C19orf44: variants seen among roughly 807,000 people sequenced by gnomAD.
The protein encoded by C19orf44 is chromosome 19 open reading frame 44, also known as uncharacterized protein C19orf44.
Under a neutral mutation model 50.7 loss-of-function variants are expected in C19orf44, and 43 were observed. The observed-to-expected ratio is 0.85, with a 90% CI of 0.66 to 1.09. The LOEUF is 1.09. Ranked by LOEUF, C19orf44 falls within the 50% of genes least tolerant of loss-of-function variation. The pLI, the probability that C19orf44 is intolerant of heterozygous loss-of-function variation, is 0.00. For synonymous variants in C19orf44, 298 were observed against 334.7 expected (o/e 0.89, Z 1.20); for missense variants, 722 against 836.2 (o/e 0.86, Z 1.68).
At chr19:16,515,250 A>C (rs1328992278) in intron 7 of C19orf44, among the ~76,000 whole-genome samples, 3 of 152,092 alleles carry the variant, frequency 2.0e-5, no homozygotes, top group Non-Finnish European at 2.9e-5. Context: ...AGTCCCAGCT[A>C]CTCAGGAGGC....
chr19:16,500,932 A>T lies in C19orf44; in HGVS notation c.140A>T (p.His47Leu), dbSNP rs779619968. ...SRNLTKIAPG[H>L]SRFLKRNQTL... ...AATCTTACCAAAATAGCACCTGGTC[A>T]TAGCAGATTTCTAAAAAGAAACCAA... Residue 47 changes from histidine (H) to leucine (L), a missense_variant, in exon 2 of 9, where the codon CAT (histidine) becomes CTT (leucine). Physicochemically the swap from His to Leu is moderately conservative, Grantham distance 99. Transcript: ENST00000221671. 1 of 1,613,912 alleles carries T rather than the reference A, an allele frequency of 6.2e-7. No individual in the cohort carries two copies. Among genetic ancestry groups the T allele is most frequent in the East Asian group, 2.2e-5 (1 of 44,884 alleles).
rs1387928040 is a variant in C19orf44, at chr19:16,521,131, C to T, written c.*1078C>T. ...TGGTGCCCACGCCCTTGCCACCCTG[C>T]TGTTCCGCTGAGGTGGTGGGGACCC... On this transcript the variant is annotated 3_prime_UTR_variant, in exon 9 of 9. Transcript: ENST00000221671. The T allele has an allele frequency of 1.0e-5, 6 of 601,226 alleles. No individual in the cohort carries two copies. The highest frequency in any genetic ancestry group is 5.6e-5 in the African/African-American group (3 of 53,978). The allele number at this position is 601,226 out of a possible 1,614,324, so 37.2% of individuals were successfully genotyped here. A position where few individuals can be genotyped will look rare whatever the true frequency, so the allele number is the denominator to read the frequency against.
chr19:16,517,161 T>C, intron 7 of C19orf44, 69 bp from the exon 8 acceptor site: 2 of 1,444,822 alleles, frequency 1.4e-6, no homozygotes, highest in South Asian at 2.4e-5. Context: ...CACTCCCTCC[T>C]CCAGCACCCT....
chr19:16,520,221 T>A lies in C19orf44; in HGVS notation c.*168T>A, dbSNP rs769641643. ...GTACGACTTGGACCGGGACCGCGAC[T>A]GGGACCGGGAGCGGCTTCTGGAGGA... On this transcript the variant is annotated 3_prime_UTR_variant, in exon 9 of 9. Transcript: ENST00000221671. This position sits in a 1 kb window ranked among gnomAD's most constrained non-coding sequence, Gnocchi z 4.0. 3.7e-6 allele frequency: 6 copies of A among 1,613,432 alleles called. No individual in the cohort carries two copies. The highest frequency in any genetic ancestry group is 2.5e-6 in the Non-Finnish European group (3 of 1,180,010).
chr19:16,511,363 A>G (rs749156979), intron 5 of C19orf44, among the ~76,000 whole-genome samples: 11 of 151,892 alleles, frequency 7.2e-5, no homozygotes, highest in Non-Finnish European at 1.5e-4. Flanking sequence ...TGTTCTTTGT[A>G]GAGACAGGGT....
Position 16,519,105 on chromosome 19 carries a change from G to A in C19orf44, c.*41-989G>A, listed in dbSNP as rs2085580322. 6.6e-7 allele frequency: 1 copy of A among 1,507,582 alleles called. No homozygotes were observed. The highest frequency in any genetic ancestry group is 9.1e-7 in the Non-Finnish European group (1 of 1,103,780). The allele number at this position is 1,507,582 out of a possible 1,614,324, so 93.4% of individuals were successfully genotyped here. Reference sequence around the variant, plus strand: ...CAATCTTCCTCTGCCAGTCAGCCAGGAAGGTCCCACAGCCGGCACCGCTGG... The same window carrying A: ...CAATCTTCCTCTGCCAGTCAGCCAGAAAGGTCCCACAGCCGGCACCGCTGG... On this transcript the variant is annotated intron_variant, in intron 8 of 8. Transcript: ENST00000221671. The surrounding 1 kb of genome is among the most constrained non-coding windows in gnomAD (Gnocchi z 6.0).
At position 16,509,837 on chromosome 19, in the gene C19orf44, C is replaced by T. The variant is rs1271193955; in HGVS notation, c.1488C>T (p.Asp496=). The T allele has an allele frequency of 1.5e-5, 24 of 1,614,266 alleles. No homozygotes were observed. The highest frequency in any genetic ancestry group is 1.6e-4 in the Middle Eastern group (1 of 6,062). Residue 496 remains aspartate, a synonymous_variant, in exon 5 of 9, where the codon GAC becomes GAT. Transcript: ENST00000221671. ...AGGAGTCTCTTGACAGAACACTGGA[C>T]GCTTTGTCTGAATCCTCTTCAAGTG... ...HSKESLDRTL[D]ALSESSSSVK... is the part of the protein sequence containing the mutation.
At chr19:16,497,295 C>G (rs1269409457) in intron 1 of C19orf44, among the ~76,000 whole-genome samples, 1 of 150,266 alleles carries the variant, frequency 6.7e-6, no homozygotes, top group Non-Finnish European at 1.5e-5. Context: ...ACAGTTCTTA[C>G]AAATGAAATG....
chr19:16,513,853 G>C (rs1161161386), intron 6 of C19orf44, among the ~76,000 whole-genome samples: 1 of 152,198 alleles, frequency 6.6e-6, no homozygotes, highest in Non-Finnish European at 1.5e-5. Context: ...CTCCAGTCCA[G>C]CCTGAGGCAT....
At chr19:16,507,920 C>T (rs1307518696) in intron 4 of C19orf44, among the ~76,000 whole-genome samples, 3 of 151,950 alleles carry the variant, frequency 2.0e-5, no homozygotes, top group African/African-American at 7.3e-5. Flanking sequence ...TCTCCTGCCT[C>T]AGCCTCCCGA....
chr19:16,505,554 G>A (rs2093438221), intron 3 of C19orf44, among the ~76,000 whole-genome samples: 2 of 152,072 alleles, frequency 1.3e-5, no homozygotes, highest in South Asian at 2.1e-4. Flanking sequence ...AGGCAGCCAC[G>A]CTCCTTCCTT....
intron 6 of C19orf44, 58 bp from the exon 7 acceptor site, chr19:16,514,439 G>T (rs532968820): frequency 1.3e-6 from 2 of 1,495,388 alleles, no homozygotes; most frequent in Non-Finnish European, 1.8e-6. Context: ...GGTGGGGGGG[G>T]GGCTGCAGAA....
chr19:16,513,469 T>G (rs1232735243), intron 6 of C19orf44, among the ~76,000 whole-genome samples: 1 of 152,142 alleles, frequency 6.6e-6, no homozygotes, highest in Non-Finnish European at 1.5e-5. Flanking sequence ...CTGGGACCTC[T>G]GCCTCCTGGG....
intron 6 of C19orf44, among the ~76,000 whole-genome samples, chr19:16,513,369 C>A (rs539509668): frequency 6.6e-6 from 1 of 152,252 alleles, no homozygotes; most frequent in African/African-American, 2.4e-5. Flanking sequence ...GTGCCCTGCA[C>A]CCCAACAAGG....
In C19orf44 at chr19:16,520,844, C is replaced by A. The variant is rs2085607022; in HGVS notation, c.*791C>A. On this transcript the variant is annotated 3_prime_UTR_variant, in exon 9 of 9. Coordinates refer to ENST00000221671, the MANE Select transcript of C19orf44 (RefSeq NM_032207.4). The surrounding 1 kb of genome is among the most constrained non-coding windows in gnomAD (Gnocchi z 4.0). The stretch of plus-strand genomic sequence containing the variant: ...CTTTTACCTGTTCCTCTTCTCCTGG[C>A]CTTTCCTCCGCCGGGCCCGCATTTT... The A allele has an allele frequency of 4.3e-6, 7 of 1,613,908 alleles. 1 individual carries two copies. Among genetic ancestry groups the A allele is most frequent in the Middle Eastern group, 1.6e-4 (1 of 6,062 alleles).
At chr19:16,513,869 A>T (rs997852001) in intron 6 of C19orf44, among the ~76,000 whole-genome samples, 1 of 152,132 alleles carries the variant, frequency 6.6e-6, no homozygotes, top group Admixed American at 6.6e-5. Context: ...GGCATGAGGG[A>T]GGGGCCCCAG....
intron 7 of C19orf44, among the ~76,000 whole-genome samples, chr19:16,515,278 T>C (rs1015415233): frequency 6.6e-6 from 1 of 152,126 alleles, no homozygotes; most frequent in Admixed American, 6.5e-5. Flanking sequence ...GGAGAGTCGC[T>C]TGAACCTGGG....
intron 7 of C19orf44, among the ~76,000 whole-genome samples, chr19:16,515,858 G>A (rs556312025): frequency 6.6e-6 from 1 of 152,066 alleles, no homozygotes; most frequent in Admixed American, 6.6e-5. Context: ...GTGCAATGGT[G>A]CAATCTCAGC....
rs374870382 is a variant in C19orf44, at chr19:16,509,756, G to A, written c.1407G>A (p.Ser469=). Residue 469 remains serine, a synonymous_variant, in exon 5 of 9, where the codon TCG becomes TCA. Coordinates refer to ENST00000221671, the MANE Select transcript of C19orf44 (RefSeq NM_032207.4). The stretch of plus-strand genomic sequence containing the variant: ...TGAACACAGTCAGCTCAGCTTATTC[G>A]GAGGATTTTGAAAACTCTCCAAGTC... The part of the protein sequence containing the change: ...PMVNTVSSAY[S]EDFENSPSLT... 2.5e-5 allele frequency: 41 copies of A among 1,614,230 alleles called. No individual in the cohort carries two copies. The African/African-American group carries it at 4.3e-4, about 17-fold the overall frequency.
Sources: allele counts gnomAD v4.1 joint callset (sites outside exome capture counted in the v4.1 genomes callset), GRCh38; gene constraint gnomAD v4.1.1; non-coding constraint Gnocchi (gnomAD v3.1); transcripts MANE v1.5; gene names NCBI Gene and HGNC (gene_info 2026-07-23, HGNC 2026-07-21).